Variants in CHL1 observed in about 807,000 individuals in gnomAD.
CHL1 encodes neural cell adhesion molecule L1-like protein.
CHL1 carries 96 observed loss-of-function variants against 141.9 expected under a neutral mutation model. That is an observed-to-expected ratio of 0.68 (90% confidence interval 0.57 to 0.80). The LOEUF (loss-of-function observed/expected upper bound fraction) is 0.80, where lower values mean the gene tolerates loss of function less well. Among genes scored for constraint, CHL1 ranks in the 30% least tolerant of loss-of-function variants. CHL1 has a pLI of 0.00. For missense variants in CHL1, 1,820 were observed against 1,457.2 expected, an observed-to-expected ratio of 1.25 and a Z score of -4.05; for synonymous variants, 613 against 502.2, an observed-to-expected ratio of 1.22 and a Z score of -2.95.
chr3:391,282 A>G (rs1052363686), intron 22 of CHL1, 123 bp downstream of exon 22: 4 of 731,528 alleles, frequency 5.5e-6, no homozygotes, highest in Non-Finnish European at 9.2e-6. Context: ...TTGGGAGGCC[A>G]AGGCAGATGG....
intron 13 of CHL1, among the ~76,000 whole-genome samples, chr3:362,868 T>G (rs1170121705): frequency 6.6e-6 from 1 of 152,200 alleles, no homozygotes; most frequent in Non-Finnish European, 1.5e-5. Context: ...ATTACTAGCT[T>G]TCCCATTTAG....
At chr3:400,998 C>G (rs1253451911) in intron 26 of CHL1, among the ~76,000 whole-genome samples, 1 of 149,280 alleles carries the variant, frequency 6.7e-6, no homozygotes, top group Non-Finnish European at 1.5e-5. Flanking sequence ...GCCTCCCAGG[C>G]TCAGGTGATC....
chr3:327,708 A>G (rs1447123599), intron 4 of CHL1, among the ~76,000 whole-genome samples: 1 of 151,950 alleles, frequency 6.6e-6, no homozygotes. Context: ...TGGCCAAATT[A>G]TATATTCAGT....
intron 11 of CHL1, 101 bp from the exon 12 acceptor site, chr3:360,183 T>G (rs995463591): frequency 7.4e-7 from 1 of 1,355,582 alleles, no homozygotes; most frequent in African/African-American, 1.4e-5. Context: ...CACCCTAAAC[T>G]GGTTTGAAAA....
At chr3:236,953 GC>G (rs1052429649) in intron 1 of CHL1, among the ~76,000 whole-genome samples, 3 of 151,952 alleles carry the variant, frequency 2.0e-5, no homozygotes, top group African/African-American at 7.3e-5. Flanking sequence ...GGATTCTGAG[GC>G]CCCAGTTAGT....
intron 19 of CHL1, among the ~76,000 whole-genome samples, chr3:386,701 G>T (rs563497444): frequency 2.6e-5 from 4 of 152,124 alleles, no homozygotes; most frequent in African/African-American, 9.6e-5. Context: ...TAATTACCTG[G>T]TTATATAATC....
At chr3:306,700 T>A (rs1316255317) in intron 2 of CHL1, among the ~76,000 whole-genome samples, 8 of 151,226 alleles carry the variant, frequency 5.3e-5, no homozygotes, top group African/African-American at 2.0e-4. Context: ...ACAAAAAAAA[T>A]AATGCAAAAA....
chr3:311,497 G>A (rs1699749252), intron 2 of CHL1, among the ~76,000 whole-genome samples: 1 of 151,866 alleles, frequency 6.6e-6, no homozygotes, highest in Non-Finnish European at 1.5e-5. Context: ...TATTATCCAC[G>A]GCTCCTGCCC....
chr3:209,737 G>A (rs371378609), intron 1 of CHL1, among the ~76,000 whole-genome samples: 12 of 152,148 alleles, frequency 7.9e-5, no homozygotes, highest in South Asian at 4.1e-4. Flanking sequence ...GACAGGCCCC[G>A]TGTGTGATGT....
Position 293,880 on chromosome 3 carries a change from G to A in CHL1, c.-94-25803G>A, listed in dbSNP as rs1014450259. On this transcript the variant is annotated intron_variant, in intron 2 of 27. Coordinates refer to ENST00000256509, the MANE Select transcript of CHL1 (RefSeq NM_006614.4). ...GGGTTCAAGCAATTCTCCTGCCTCA[G>A]CCTCCTGAGTAGCTGGGATTACAGG... 2.9e-4 allele frequency among the ~76,000 whole-genome samples: 44 copies of A among 150,088 alleles called. 1 individual carries two copies.
At chr3:215,342 T>A (rs191834384) in intron 1 of CHL1, among the ~76,000 whole-genome samples, 2 of 152,324 alleles carry the variant, frequency 1.3e-5, no homozygotes, top group Non-Finnish European at 2.9e-5. Flanking sequence ...TTCTCACTCA[T>A]TTGTGGAGTC....
Position 366,378 on chromosome 3 carries a change from C to T in CHL1, c.1751+263C>T, listed in dbSNP as rs192321171. Among the ~76,000 whole-genome samples the T allele has an allele frequency of 4.1e-4, 62 of 150,562 alleles. No individual in the cohort carries two copies. The East Asian group carries it at 7.5e-3, about 18-fold the overall frequency. ...CCCAGCTACTCGAGAGGCTGGTGCA[C>T]AAGAATCACTTGAACTCAGGAGGCG... On this transcript the variant is annotated intron_variant, in intron 15 of 27. Coordinates refer to ENST00000256509, the MANE Select transcript of CHL1 (RefSeq NM_006614.4).
chr3:307,171 G>C (rs931974003), intron 2 of CHL1, among the ~76,000 whole-genome samples: 13 of 152,142 alleles, frequency 8.5e-5, no homozygotes, highest in African/African-American at 2.9e-4. Context: ...AGAAAAATGA[G>C]AGTTTTAATT....
At chr3:252,639 T>C (rs1693813515) in intron 2 of CHL1, among the ~76,000 whole-genome samples, 1 of 151,776 alleles carries the variant, frequency 6.6e-6, no homozygotes, top group Non-Finnish European at 1.5e-5. Flanking sequence ...TCTAACTTCT[T>C]ATTTTGCATT....
At chr3:299,182 A>G (rs1346850088) in intron 2 of CHL1, among the ~76,000 whole-genome samples, 1 of 152,230 alleles carries the variant, frequency 6.6e-6, no homozygotes, top group African/African-American at 2.4e-5. Flanking sequence ...TAAATAATTG[A>G]AAAATATCAT....
intron 1 of CHL1, among the ~76,000 whole-genome samples, chr3:241,579 C>G (rs1574829726): frequency 8.7e-6 from 1 of 115,116 alleles, no homozygotes; most frequent in Non-Finnish European, 2.1e-5. Flanking sequence ...GTATACTTCT[C>G]TCTGGTTTTT....
In CHL1 at chr3:322,670, AAT is replaced by A. The variant is rs1260933639; in HGVS notation, c.91+2804_91+2805del. 7.0e-3 allele frequency among the ~76,000 whole-genome samples: 935 copies of A among 133,628 alleles called. 8 individuals are homozygous for A. The highest frequency in any genetic ancestry group is 0.026 in the African/African-American group (873 of 34,180). The allele number at this position is 133,628 out of a possible 152,430, so 87.7% of individuals were successfully genotyped here. ...AATATATATATATATATATATATAT[AAT>A]TATATATATATATATAAAACGAATA... On this transcript the variant is annotated intron_variant, in intron 3 of 27. Transcript: ENST00000256509.
chr3:332,167 T>C (rs931743936), intron 5 of CHL1, among the ~76,000 whole-genome samples: 1 of 152,196 alleles, frequency 6.6e-6, no homozygotes, highest in Admixed American at 6.5e-5. Context: ...AATACAGCAG[T>C]CCACTCAAAG....
chr3:366,672 C>T (rs1454959045), intron 15 of CHL1, among the ~76,000 whole-genome samples: 2 of 141,058 alleles, frequency 1.4e-5, no homozygotes, highest in Non-Finnish European at 1.5e-5. Context: ...ATTGCATGGG[C>T]TTGGATGGTT....
Sources: gnomAD v4.1 joint callset for allele counts (sites outside exome capture counted in the v4.1 genomes callset) on GRCh38, gnomAD v4.1.1 for gene constraint, MANE v1.5 for transcripts, NCBI Gene and HGNC (gene_info 2026-07-23, HGNC 2026-07-21) for gene names.